GABRB1: variants seen among roughly 807,000 people sequenced by gnomAD.
GABRB1 encodes the protein gamma-aminobutyric acid receptor subunit beta-1.
In GABRB1, 17 loss-of-function variants were observed where a neutral mutation model predicts 51.6. The observed-to-expected ratio is 0.33, with a 90% CI of 0.23 to 0.49. The LOEUF is 0.49. GABRB1 is among the 20% of genes least tolerant of loss of function. The pLI, the probability that GABRB1 is intolerant of heterozygous loss-of-function variation, is 0.99. For synonymous variants in GABRB1, 247 were observed against 218.9 expected (o/e 1.13, Z -1.14); for missense variants, 410 against 600.6 (o/e 0.68, Z 3.32).
chr4:47,333,394 T>A (rs1051142834), intron 5 of GABRB1, among the ~76,000 whole-genome samples: 10 of 151,818 alleles, frequency 6.6e-5, no homozygotes, highest in Non-Finnish European at 1.3e-4. Flanking sequence ...AAAATGTATG[T>A]TTGAATGAAT....
chr4:47,358,098 A>G (rs1347486384), intron 5 of GABRB1, among the ~76,000 whole-genome samples: 1 of 152,106 alleles, frequency 6.6e-6, no homozygotes, highest in East Asian at 1.9e-4. Context: ...TTGCTTAAAG[A>G]CACATTCCTA....
intron 3 of GABRB1, among the ~76,000 whole-genome samples, chr4:47,045,773 T>C (rs1170678279): frequency 1.3e-5 from 2 of 152,024 alleles, no homozygotes; most frequent in African/African-American, 2.4e-5. Context: ...CCAAATGTTG[T>C]TATATCGGAG....
chr4:47,321,837 A>G (rs1442000195), intron 5 of GABRB1, among the ~76,000 whole-genome samples: 1 of 152,166 alleles, frequency 6.6e-6, no homozygotes, highest in Non-Finnish European at 1.5e-5. Flanking sequence ...TGAAATTCCA[A>G]GACCTTATGA....
chr4:47,250,022 A>G (rs1263840591), intron 4 of GABRB1, among the ~76,000 whole-genome samples: 1 of 151,760 alleles, frequency 6.6e-6, no homozygotes, highest in Non-Finnish European at 1.5e-5. Context: ...TTGATTTTTA[A>G]CTTGTATTTT....
chr4:47,309,193 A>C (rs1578083346), intron 4 of GABRB1, among the ~76,000 whole-genome samples: 2 of 152,020 alleles, frequency 1.3e-5, no homozygotes, highest in African/African-American at 4.8e-5. Flanking sequence ...AATATGACTC[A>C]CCCTGACACT....
At chr4:47,333,799 A>T (rs1303450059) in intron 5 of GABRB1, among the ~76,000 whole-genome samples, 3 of 152,152 alleles carry the variant, frequency 2.0e-5, no homozygotes, top group African/African-American at 7.2e-5. Flanking sequence ...ATTATATAAG[A>T]ATAATTTCTG....
intron 3 of GABRB1, among the ~76,000 whole-genome samples, chr4:47,123,128 A>C (rs968612589): frequency 6.6e-6 from 1 of 151,502 alleles, no homozygotes; most frequent in Non-Finnish European, 1.5e-5. Context: ...CACAAACATA[A>C]CTTGAAATTC....
chr4:47,416,310 G>C (rs1728914750), intron 8 of GABRB1, among the ~76,000 whole-genome samples: 1 of 152,150 alleles, frequency 6.6e-6, no homozygotes, highest in African/African-American at 2.4e-5. Flanking sequence ...TAGGAAATGA[G>C]GGCTGAGGTA....
chr4:47,050,988 TG>T (rs1376203658), intron 3 of GABRB1, among the ~76,000 whole-genome samples: 2 of 152,102 alleles, frequency 1.3e-5, no homozygotes, highest in African/African-American at 4.8e-5. Flanking sequence ...GGGTTTTGTG[TG>T]TGCCCTCTCT....
chr4:47,019,668 TTTC>T (rs1388968519), intron 1 of GABRB1, among the ~76,000 whole-genome samples: 44 of 143,622 alleles, frequency 3.1e-4, no homozygotes, highest in African/African-American at 1.1e-3. Context: ...TCTTTCTTTC[TTTC>T]TTTCTTTCCT....
At chr4:47,308,833 C>T (rs1451849550) in intron 4 of GABRB1, among the ~76,000 whole-genome samples, 3 of 152,010 alleles carry the variant, frequency 2.0e-5, no homozygotes, top group Non-Finnish European at 4.4e-5. Flanking sequence ...ATATCTAGGT[C>T]GTTTCTGAAT....
chr4:47,146,275 C>A (rs1717167041), intron 3 of GABRB1, among the ~76,000 whole-genome samples: 1 of 151,946 alleles, frequency 6.6e-6, no homozygotes, highest in Non-Finnish European at 1.5e-5. Context: ...ATAATAAATG[C>A]CTCTGTCTTT....
chr4:47,157,341 T>G (rs775576241), intron 3 of GABRB1, among the ~76,000 whole-genome samples: 2 of 152,084 alleles, frequency 1.3e-5, no homozygotes, highest in Non-Finnish European at 2.9e-5. Flanking sequence ...TTTGGACTAA[T>G]GAAGAATTAA....
At chr4:47,112,818 T>C (rs969145254) in intron 3 of GABRB1, among the ~76,000 whole-genome samples, 1 of 152,110 alleles carries the variant, frequency 6.6e-6, no homozygotes, top group Non-Finnish European at 1.5e-5. Flanking sequence ...TAAATTCTTA[T>C]TAAGAAAGTT....
At chr4:47,215,983 C>T (rs1160240025) in intron 4 of GABRB1, among the ~76,000 whole-genome samples, 2 of 151,838 alleles carry the variant, frequency 1.3e-5, no homozygotes, top group African/African-American at 4.8e-5. Context: ...TTACCTTTTA[C>T]CTTAAATGAA....
chr4:47,421,995 C>G (rs557355125), intron 8 of GABRB1, among the ~76,000 whole-genome samples: 2 of 152,230 alleles, frequency 1.3e-5, no homozygotes, highest in African/African-American at 4.8e-5. Flanking sequence ...CACTTCAACC[C>G]TACCATCCTT....
intron 5 of GABRB1, among the ~76,000 whole-genome samples, chr4:47,400,749 A>G (rs544389864): frequency 6.6e-6 from 1 of 152,066 alleles, no homozygotes; most frequent in Non-Finnish European, 1.5e-5. Flanking sequence ...TGAGTCTCCA[A>G]CATTCCTTAT....
intron 4 of GABRB1, among the ~76,000 whole-genome samples, chr4:47,192,663 A>T (rs561867229): frequency 6.6e-6 from 1 of 152,190 alleles, no homozygotes; most frequent in Admixed American, 6.5e-5. Flanking sequence ...TTGCTCTCCA[A>T]CTATGCATTG....
intron 8 of GABRB1, among the ~76,000 whole-genome samples, chr4:47,417,121 A>G (rs950496483): frequency 8.5e-5 from 13 of 152,110 alleles, no homozygotes. Flanking sequence ...CAATGCTTTC[A>G]ATCAGTAGCA....
Sources: gnomAD v4.1 joint callset for allele counts (sites outside exome capture counted in the v4.1 genomes callset) on GRCh38, gnomAD v4.1.1 for gene constraint, MANE v1.5 for transcripts, NCBI Gene and HGNC (gene_info 2026-07-23, HGNC 2026-07-21) for gene names.